Variants in SLIT2 observed in about 807,000 individuals in gnomAD.
SLIT2 encodes slit homolog 2 protein.
A neutral mutation model predicts 185.7 loss-of-function variants in SLIT2; 41 were observed. The ratio of observed to expected loss-of-function variants is 0.22; its 90% CI spans 0.17 to 0.29. The LOEUF (loss-of-function observed/expected upper bound fraction) is 0.29. Among genes scored for constraint, SLIT2 ranks in the 10% least tolerant of loss-of-function variants. SLIT2 has a pLI of 1.00. For missense variants in SLIT2, 1,571 were observed against 1,909.0 expected (o/e 0.82, Z 3.30); for synonymous variants, 693 against 680.2 (o/e 1.02, Z -0.29).
intron 5 of SLIT2, 41 bp from the exon 6 acceptor site, chr4:20,480,675 G>GTCCA (rs2148777884): frequency 1.3e-6 from 2 of 1,489,400 alleles, no homozygotes; most frequent in Non-Finnish European, 1.9e-6. Flanking sequence ...CCCAGCTACT[G>GTCCA]TCCATCCCTT....
At chr4:20,324,394 G>A (rs1405120691) in intron 4 of SLIT2, among the ~76,000 whole-genome samples, 2 of 149,082 alleles carry the variant, frequency 1.3e-5, no homozygotes, top group Non-Finnish European at 3.0e-5. Flanking sequence ...CCATTTCCCT[G>A]CTCTCTTTGC....
At chr4:20,509,028 A>ATG (rs145331421) in intron 9 of SLIT2, among the ~76,000 whole-genome samples, 3,368 of 150,522 alleles carry the variant, frequency 0.022, 88 homozygotes, top group East Asian at 0.077. Flanking sequence ...GTGTGTGTGC[A>ATG]TGTGTGTGTG....
chr4:20,322,395 G>A (rs572138831), intron 4 of SLIT2, among the ~76,000 whole-genome samples: 6 of 152,256 alleles, frequency 3.9e-5, no homozygotes, highest in South Asian at 2.1e-4. Context: ...GGGACAACTC[G>A]AAGTGGGGAG....
intron 4 of SLIT2, among the ~76,000 whole-genome samples, chr4:20,405,533 C>T (rs945265610): frequency 6.6e-6 from 1 of 151,832 alleles, no homozygotes; most frequent in Non-Finnish European, 1.5e-5. Context: ...TAGTGTCTGG[C>T]ACATAATAAT....
chr4:20,412,866 T>A (rs1261481638), intron 4 of SLIT2, among the ~76,000 whole-genome samples: 1 of 152,104 alleles, frequency 6.6e-6, no homozygotes, highest in Admixed American at 6.5e-5. Context: ...CTTGGGACCT[T>A]TAGGAAAATC....
intron 4 of SLIT2, among the ~76,000 whole-genome samples, chr4:20,366,028 T>C (rs771649086): frequency 2.6e-5 from 4 of 152,130 alleles, no homozygotes; most frequent in African/African-American, 7.2e-5. Flanking sequence ...CATAATTTGT[T>C]GGTTCACTTA....
intron 4 of SLIT2, among the ~76,000 whole-genome samples, chr4:20,383,334 G>A (rs1724680576): frequency 6.6e-6 from 1 of 152,110 alleles, no homozygotes; most frequent in East Asian, 1.9e-4. Flanking sequence ...TCTGATAAAG[G>A]ATTTGTGTTC....
intron 4 of SLIT2, among the ~76,000 whole-genome samples, chr4:20,465,087 C>T (rs1005004725): frequency 2.0e-5 from 3 of 152,030 alleles, no homozygotes; most frequent in Admixed American, 1.3e-4. Context: ...ACAATTAAGT[C>T]GGAGGCTAGG....
At chr4:20,490,456 T>C (rs1560470435) in intron 8 of SLIT2, among the ~76,000 whole-genome samples, 1 of 151,296 alleles carries the variant, frequency 6.6e-6, no homozygotes, top group African/African-American at 2.4e-5. Flanking sequence ...GGTGTGTGTG[T>C]ATATATATAT....
chr4:20,517,029 T>C (rs1269204566), intron 11 of SLIT2, among the ~76,000 whole-genome samples: 2 of 152,178 alleles, frequency 1.3e-5, no homozygotes, highest in African/African-American at 4.8e-5. Flanking sequence ...TTTCATGCTA[T>C]TTGGGCCAAC....
intron 4 of SLIT2, among the ~76,000 whole-genome samples, chr4:20,375,285 A>C (rs1191092722): frequency 6.6e-6 from 1 of 152,068 alleles, no homozygotes; most frequent in Admixed American, 6.6e-5. Flanking sequence ...TTGTTCGTCC[A>C]GTTCTGCCAT....
chr4:20,377,604 T>A lies in SLIT2; in HGVS notation c.396-90148T>A, dbSNP rs143587708. Reference sequence around the variant, plus strand: ...TCCCATCATAAACTTACTCAGCCCCTCTGGGCTTCTATATCCTCCCACAGA... The same window carrying A: ...TCCCATCATAAACTTACTCAGCCCCACTGGGCTTCTATATCCTCCCACAGA... On this transcript the variant is annotated intron_variant, in intron 4 of 36. Coordinates refer to ENST00000504154, the MANE Select transcript of SLIT2 (RefSeq NM_004787.4). Among the ~76,000 whole-genome samples the A allele has an allele frequency of 5.2e-3, 795 of 152,246 alleles. 18 individuals carry two copies. The highest frequency in any genetic ancestry group is 0.014 in the Middle Eastern group (4 of 294).
In SLIT2 at chr4:20,310,335, C is replaced by CA. The variant is rs1717991868; in HGVS notation, c.395+41461dup. ...ACATTAGCAACTCAAATTTAGTCAG[C>CA]AAAAAAACAATTATCTTTCTCTATG... On this transcript the variant is annotated intron_variant, in intron 4 of 36. Transcript: ENST00000504154. Among the ~76,000 whole-genome samples, 5 of 152,108 alleles carry CA rather than the reference C, an allele frequency of 3.3e-5. No homozygotes were observed. In the South Asian group the frequency reaches 1.0e-3, roughly 32 times the overall value.
intron 4 of SLIT2, among the ~76,000 whole-genome samples, chr4:20,291,428 G>A (rs1171387700): frequency 1.7e-5 from 2 of 120,626 alleles, no homozygotes; most frequent in African/African-American, 6.4e-5. Flanking sequence ...ATTATGGTAT[G>A]TCTGCTCCTA....
Position 20,593,951 on chromosome 4 carries a change from A to AC in SLIT2, c.3183-1746_3183-1745insC, listed in dbSNP as rs201960433. ...TATATACATACACTGCTACATACAC[A>AC]ATACATATGTGTGTATGTATATGTA... is the stretch of plus-strand genomic sequence containing the variant. On this transcript the variant is annotated intron_variant, in intron 30 of 36. Transcript: ENST00000504154. 4.8e-4 allele frequency among the ~76,000 whole-genome samples: 72 copies of AC among 151,036 alleles called. No individual in the cohort carries two copies. The East Asian group carries it at 7.1e-3, about 15-fold the overall frequency.
chr4:20,457,722 A>G (rs1713237922), intron 4 of SLIT2, among the ~76,000 whole-genome samples: 1 of 152,170 alleles, frequency 6.6e-6, no homozygotes, highest in South Asian at 2.1e-4. Flanking sequence ...AGCAGAGACT[A>G]TGCTATTTTT....
chr4:20,370,884 T>C (rs923155293), intron 4 of SLIT2, among the ~76,000 whole-genome samples: 5 of 152,114 alleles, frequency 3.3e-5, no homozygotes, highest in Admixed American at 6.6e-5. Flanking sequence ...GGATATATGA[T>C]ATTTATTATC....
chr4:20,495,128 A>AGCCAC, intron 9 of SLIT2, among the ~76,000 whole-genome samples: 1 of 152,336 alleles, frequency 6.6e-6, no homozygotes, highest in Non-Finnish European at 1.5e-5. Context: ...TAGGTCAATG[A>AGCCAC]GCCACCTTTC....
At chr4:20,419,109 TTCAA>T (rs1727951609) in intron 4 of SLIT2, among the ~76,000 whole-genome samples, 1 of 152,152 alleles carries the variant, frequency 6.6e-6, no homozygotes, top group African/African-American at 2.4e-5. Flanking sequence ...TATACACACT[TTCAA>T]TTTCAAAACA....
Sources: allele counts gnomAD v4.1 joint callset (sites outside exome capture counted in the v4.1 genomes callset), GRCh38; gene constraint gnomAD v4.1.1; transcripts MANE v1.5; gene names NCBI Gene and HGNC (gene_info 2026-07-23, HGNC 2026-07-21).